The following TENM2 variants were observed in gnomAD, a reference collection of about 807,000 sequenced individuals.
The protein encoded by TENM2 is teneurin transmembrane protein 2.
A neutral mutation model predicts 245.2 loss-of-function variants in TENM2; 52 were observed. The observed-to-expected ratio is 0.21, with a 90% CI of 0.17 to 0.27. The LOEUF (loss-of-function observed/expected upper bound fraction) is 0.27, where lower values mean the gene tolerates loss of function less well. Ranked by LOEUF, TENM2 falls within the 10% of genes least tolerant of loss-of-function variation. The pLI is 1.00. For synonymous variants in TENM2, 1,363 were observed against 1,438.9 expected, an observed-to-expected ratio of 0.95 and a Z score of 1.19; for missense variants, 3,046 against 3,666.8, an observed-to-expected ratio of 0.83 and a Z score of 4.37.
chr5:167,084,174 A>C, the TENM2 span, among the ~76,000 whole-genome samples: 16 of 150,936 alleles, frequency 1.1e-4, no homozygotes, highest in African/African-American at 3.6e-4. Flanking sequence ...ACACTTTCTC[A>C]AGTTCCCTGA....
At chr5:167,697,599 C>G (rs1376475267) in intron 2 of TENM2, among the ~76,000 whole-genome samples, 3 of 152,154 alleles carry the variant, frequency 2.0e-5, no homozygotes, top group Non-Finnish European at 4.4e-5. Context: ...CATCTCGGCT[C>G]ACTGCAACCT....
rs1756238642 is a variant in TENM2 at position 168,147,803 on chromosome 5, A to G, written c.2423-14808A>G. ...TGGAGCTCCGGAAAAGCTAAGCAAC[A>G]TTTCCCAGAGCCACATAAAACCCGA... is the stretch of plus-strand genomic sequence containing the variant. On this transcript the variant is annotated intron_variant, in intron 12 of 28. Coordinates refer to ENST00000518659, the Ensembl canonical transcript of TENM2. Among the ~76,000 whole-genome samples, 3 of 152,170 alleles carry G rather than the reference A, an allele frequency of 2.0e-5. 1 individual carries two copies. The South Asian group carries it at 6.2e-4, about 31-fold the overall frequency.
At chr5:168,096,899 T>C (rs1170164689) in intron 8 of TENM2, among the ~76,000 whole-genome samples, 4 of 152,246 alleles carry the variant, frequency 2.6e-5, no homozygotes, top group Non-Finnish European at 5.9e-5. Context: ...TGACTATTTC[T>C]GTGCAGACCC....
At chr5:167,578,203 T>G (rs1479892060) in intron 2 of TENM2, among the ~76,000 whole-genome samples, 1 of 152,158 alleles carries the variant, frequency 6.6e-6, no homozygotes, top group African/African-American at 2.4e-5. Context: ...TCCCAGGAAA[T>G]TCTGAAACGT....
At chr5:167,329,677 G>A (rs1757319067) in intron 1 of TENM2, among the ~76,000 whole-genome samples, 1 of 151,128 alleles carries the variant, frequency 6.6e-6, no homozygotes, top group African/African-American at 2.4e-5. Context: ...GGAAAAATCT[G>A]TTGAGGAAAT....
the TENM2 span, among the ~76,000 whole-genome samples, chr5:167,108,057 C>T: frequency 6.6e-6 from 1 of 152,216 alleles, no homozygotes; most frequent in South Asian, 2.1e-4. Flanking sequence ...TAAGATCCCT[C>T]GTTCTCTCTG....
intron 2 of TENM2, among the ~76,000 whole-genome samples, chr5:167,530,156 G>GAT (rs1771395563): frequency 6.6e-6 from 1 of 152,138 alleles, no homozygotes; most frequent in Non-Finnish European, 1.5e-5. Flanking sequence ...AGAGCAATTT[G>GAT]ATATAACCAG....
chr5:167,949,413 A>G (rs1479518069), intron 3 of TENM2, among the ~76,000 whole-genome samples: 1 of 152,136 alleles, frequency 6.6e-6, no homozygotes, highest in Admixed American at 6.5e-5. Flanking sequence ...GATAGATGAA[A>G]TTTGGATTTA....
At chr5:167,895,765 G>A (rs1775167136) in intron 3 of TENM2, among the ~76,000 whole-genome samples, 1 of 152,166 alleles carries the variant, frequency 6.6e-6, no homozygotes, top group South Asian at 2.1e-4. Flanking sequence ...TTGACTTAAA[G>A]CCCTGCGATT....
intron 2 of TENM2, among the ~76,000 whole-genome samples, chr5:167,497,426 G>A (rs957055414): frequency 2.6e-5 from 4 of 151,978 alleles, no homozygotes; most frequent in African/African-American, 2.4e-5. Flanking sequence ...ATAATGCATT[G>A]CCGTGGCAGC....
chr5:167,288,163 G>A (rs1237613304), intron 1 of TENM2, among the ~76,000 whole-genome samples: 1 of 152,178 alleles, frequency 6.6e-6, no homozygotes, highest in Non-Finnish European at 1.5e-5. Flanking sequence ...GCTTTTGCAT[G>A]TGTATGTGCC....
chr5:168,045,307 A>G (rs1330999024), intron 5 of TENM2, among the ~76,000 whole-genome samples: 5 of 152,222 alleles, frequency 3.3e-5, no homozygotes, highest in Non-Finnish European at 7.3e-5. Flanking sequence ...CAAAACAAAG[A>G]AAAAGGTGGG....
intron 3 of TENM2, among the ~76,000 whole-genome samples, chr5:167,887,134 A>G (rs1196755525): frequency 6.6e-6 from 1 of 152,252 alleles, no homozygotes; most frequent in Non-Finnish European, 1.5e-5. Flanking sequence ...CTGCCCAACT[A>G]GAACTTCCCT....
At chr5:167,559,237 C>A (rs1481333191) in intron 2 of TENM2, among the ~76,000 whole-genome samples, 1 of 152,190 alleles carries the variant, frequency 6.6e-6, no homozygotes, top group Non-Finnish European at 1.5e-5. Context: ...TATGGTCCAT[C>A]TCTACATCCC....
intron 25 of TENM2, among the ~76,000 whole-genome samples, chr5:168,231,224 A>G (rs1764863644): frequency 6.6e-6 from 1 of 151,760 alleles, no homozygotes; most frequent in South Asian, 2.1e-4. Context: ...TAAGAAGAAG[A>G]AGATGAACAA....
At chr5:167,499,846 ATGTGTG>A (rs112558904) in intron 2 of TENM2, among the ~76,000 whole-genome samples, 2 of 125,506 alleles carry the variant, frequency 1.6e-5, no homozygotes, top group Non-Finnish European at 3.7e-5. Context: ...GTGAGGGTGT[ATGTGTG>A]TGTGTGCATG....
intron 2 of TENM2, among the ~76,000 whole-genome samples, chr5:167,445,336 T>TATATATAGAGAGAGAG (rs368881390): frequency 1.4e-3 from 108 of 77,240 alleles, no homozygotes; most frequent in Non-Finnish European, 2.0e-3. Flanking sequence ...TATATATATA[T>TATATATAGAGAGAGAG]AGAGAGAGAG....
chr5:167,900,140 G>C lies in TENM2; in HGVS notation c.712+23945G>C, dbSNP rs1175762676. 5.7e-5 allele frequency among the ~76,000 whole-genome samples: 7 copies of C among 122,796 alleles called. No homozygotes were observed. The East Asian group carries it at 1.8e-3, about 31-fold the overall frequency. The allele number at this position is 122,796 out of a possible 152,430, so 80.6% of individuals were successfully genotyped here. ...AAAAAAAAAAAAAAAAAAAGGGGGG[G>C]GGGGTTTTGGAAAGGAAAGGAATGA... On this transcript the variant is annotated intron_variant, in intron 3 of 28. Coordinates refer to ENST00000518659, the Ensembl canonical transcript of TENM2.
chr5:167,304,919 C>G (rs1179761269), intron 1 of TENM2, among the ~76,000 whole-genome samples: 1 of 152,166 alleles, frequency 6.6e-6, no homozygotes, highest in African/African-American at 2.4e-5. Context: ...CAGTGCCTCA[C>G]TCATCTTTCT....
Sources: allele counts gnomAD v4.1 joint callset (sites outside exome capture counted in the v4.1 genomes callset), GRCh38; gene constraint gnomAD v4.1.1; transcripts MANE v1.5; gene names NCBI Gene and HGNC (gene_info 2026-07-23, HGNC 2026-07-21).